Variants in RFX7 observed in about 807,000 individuals in gnomAD.
RFX7 encodes regulatory factor X7.
In RFX7, 26 loss-of-function variants were observed where a neutral mutation model predicts 111.8. That is an observed-to-expected ratio of 0.23 (90% confidence interval 0.17 to 0.32). The LOEUF is 0.32. RFX7 is among the 10% of genes least tolerant of loss of function. RFX7 has a pLI of 1.00. For missense variants in RFX7, 1,573 were observed against 1,772.9 expected (o/e 0.89, Z 2.02); for synonymous variants, 624 against 624.4 (o/e 1.00, Z 0.01).
At chr15:56,171,042 G>A (rs546432470) in intron 3 of RFX7, among the ~76,000 whole-genome samples, 169 of 152,286 alleles carry the variant, frequency 1.1e-3, no homozygotes, top group African/African-American at 3.7e-3. Flanking sequence ...TGTGGAGAAC[G>A]AATGTGGAAA....
chr15:56,103,522 G>C, intron 6 of RFX7, 32 bp downstream of exon 6: 1 of 1,362,538 alleles, frequency 7.3e-7, no homozygotes, highest in Non-Finnish European at 1.0e-6. Context: ...AGAACACAGA[G>C]ATATTACTAA....
intron 3 of RFX7, among the ~76,000 whole-genome samples, chr15:56,178,551 C>G (rs1270396486): frequency 3.9e-5 from 6 of 152,066 alleles, no homozygotes; most frequent in Non-Finnish European, 5.9e-5. Flanking sequence ...TTTGGGGAAT[C>G]TAACAGTATA....
intron 5 of RFX7, among the ~76,000 whole-genome samples, chr15:56,134,394 A>C (rs1294084422): frequency 6.6e-6 from 1 of 152,208 alleles, no homozygotes; most frequent in Admixed American, 6.5e-5. Context: ...ACAGTAAATA[A>C]GTGAAATATT....
intron 2 of RFX7, among the ~76,000 whole-genome samples, chr15:56,231,783 G>A (rs114353840): frequency 0.011 from 1,710 of 152,234 alleles, 33 homozygotes; most frequent in African/African-American, 0.037. Context: ...CTATGAGCCT[G>A]TAAAATCAAA....
Position 56,094,676 on chromosome 15 carries a change from C to A in RFX7, c.3052G>T (p.Val1018Phe). ...AATGCAAACGGATTCCTGCATTCAA[C>A]AGGGCTGGGGGGGACACTACTGCTG... Reference protein sequence around the residue: ...NCSSSVPPSPVECRNPFAFTP... With the variant: ...NCSSSVPPSPFECRNPFAFTP... Residue 1018 changes from valine (V) to phenylalanine (F), a missense_variant, in exon 10 of 10, where the codon GTT (valine) becomes TTT (phenylalanine). By Grantham distance (50) the Val-to-Phe change is conservative. Coordinates refer to ENST00000559447, the MANE Select transcript of RFX7 (RefSeq NM_022841.7). The A allele has an allele frequency of 6.2e-7, 1 of 1,613,914 alleles. No homozygotes were observed. Among genetic ancestry groups the A allele is most frequent in the Non-Finnish European group, 8.5e-7 (1 of 1,179,872 alleles).
chr15:56,168,564 C>A (rs2042809077), intron 3 of RFX7, among the ~76,000 whole-genome samples: 1 of 152,154 alleles, frequency 6.6e-6, no homozygotes. Flanking sequence ...GCCCTTAACA[C>A]TGGACAGCAT....
In RFX7 at chr15:56,088,952, G is replaced by A. The variant is rs759221207; in HGVS notation, c.*4393C>T. ...CTTTATGATTGTAAGCCCCTCAAAG[G>A]TGGGTACAAGATCTTACTCATCTTA... On this transcript the variant is annotated 3_prime_UTR_variant, in exon 10 of 10. Transcript: ENST00000559447. 1.1e-4 allele frequency: 17 copies of A among 152,114 alleles called. No homozygotes were observed. The highest frequency in any genetic ancestry group is 2.2e-4 in the Non-Finnish European group (15 of 68,036). 9.4% of individuals were successfully genotyped at this position (152,114 alleles called of 1,614,324 possible).
chr15:56,111,298 T>C (rs1374833331), intron 5 of RFX7, among the ~76,000 whole-genome samples: 5 of 151,968 alleles, frequency 3.3e-5, no homozygotes, highest in Admixed American at 2.6e-4. Context: ...TTTTGTTCTG[T>C]ACTAAGAAAA....
intron 2 of RFX7, among the ~76,000 whole-genome samples, chr15:56,200,734 G>T (rs1049961068): frequency 6.6e-6 from 1 of 152,204 alleles, no homozygotes; most frequent in Admixed American, 6.5e-5. Flanking sequence ...GGGAGTCGGA[G>T]GTTGCAGTGA....
At chr15:56,120,181 CATT>C (rs2042058629) in intron 5 of RFX7, among the ~76,000 whole-genome samples, 3 of 152,292 alleles carry the variant, frequency 2.0e-5, no homozygotes, top group African/African-American at 4.8e-5. Flanking sequence ...TTTCTTTCAT[CATT>C]GTTTTATAGT....
chr15:56,144,321 C>A, intron 4 of RFX7, 80 bp downstream of exon 4: 1 of 639,556 alleles, frequency 1.6e-6, no homozygotes, highest in Non-Finnish European at 2.4e-6. Flanking sequence ...ACTCTAACAA[C>A]CAAAACATAC....
intron 3 of RFX7, among the ~76,000 whole-genome samples, chr15:56,166,127 C>T (rs1390624411): frequency 2.6e-5 from 4 of 152,156 alleles, no homozygotes; most frequent in Admixed American, 2.0e-4. Context: ...GTCTCAAATT[C>T]CTGGGCTCAA....
intron 3 of RFX7, among the ~76,000 whole-genome samples, chr15:56,161,103 G>C (rs567798079): frequency 2.1e-4 from 32 of 152,082 alleles, no homozygotes; most frequent in Non-Finnish European, 2.4e-4. Flanking sequence ...AGTATGATCT[G>C]AGTCAATTTG....
chr15:56,220,606 G>A (rs1204974539), intron 2 of RFX7, among the ~76,000 whole-genome samples: 2 of 151,942 alleles, frequency 1.3e-5, no homozygotes, highest in African/African-American at 4.8e-5. Flanking sequence ...TGCATAGTTT[G>A]CAAATATTTT....
intron 3 of RFX7, among the ~76,000 whole-genome samples, chr15:56,160,343 A>G (rs562774073): frequency 6.6e-6 from 1 of 151,976 alleles, no homozygotes; most frequent in East Asian, 1.9e-4. Context: ...GATTGGTATC[A>G]GTAAAAAGTT....
chr15:56,202,032 AAAAAC>A (rs758881847), intron 2 of RFX7, among the ~76,000 whole-genome samples: 14 of 152,120 alleles, frequency 9.2e-5, no homozygotes, highest in South Asian at 4.1e-4. Context: ...CTCTGTCTCA[AAAAAC>A]AAAACAAAAC....
intron 2 of RFX7, among the ~76,000 whole-genome samples, chr15:56,187,815 A>G (rs1304223570): frequency 3.3e-5 from 5 of 152,348 alleles, no homozygotes; most frequent in Middle Eastern, 3.4e-3. Flanking sequence ...ATCCAGCCAC[A>G]TTAGATGTCT....
chr15:56,097,771 A>AAAAAAAAC (rs1567005692), intron 9 of RFX7, among the ~76,000 whole-genome samples: 2 of 149,282 alleles, frequency 1.3e-5, no homozygotes, highest in Non-Finnish European at 3.0e-5. Context: ...AAAAAAAAAA[A>AAAAAAAAC]TCTTGGCTCA....
intron 3 of RFX7, among the ~76,000 whole-genome samples, chr15:56,153,453 T>C (rs1314043214): frequency 6.6e-6 from 1 of 152,030 alleles, no homozygotes; most frequent in Non-Finnish European, 1.5e-5. Context: ...CCAATCCACA[T>C]AAACAACAAA....
Sources: gnomAD v4.1 joint callset for allele counts (sites outside exome capture counted in the v4.1 genomes callset) on GRCh38, gnomAD v4.1.1 for gene constraint, MANE v1.5 for transcripts, NCBI Gene and HGNC (gene_info 2026-07-23, HGNC 2026-07-21) for gene names.